Variants in PLSCR2 observed in about 807,000 individuals in gnomAD.
PLSCR2 encodes PL scramblase 2.
PLSCR2 carries 18 observed loss-of-function variants against 25.3 expected under a neutral mutation model. The ratio of observed to expected loss-of-function variants is 0.71; its 90% CI spans 0.49 to 1.06. The LOEUF (loss-of-function observed/expected upper bound fraction) is 1.06, where lower values mean the gene tolerates loss of function less well. Ranked by LOEUF, PLSCR2 falls within the 50% of genes least tolerant of loss-of-function variation. The pLI, the probability that PLSCR2 is intolerant of heterozygous loss-of-function variation, is 0.00. For synonymous variants in PLSCR2, 88 were observed against 87.3 expected (o/e 1.01, Z -0.04); for missense variants, 243 against 269.5 (o/e 0.90, Z 0.69).
At chr3:146,446,296 G>A (rs1490499716) in intron 6 of PLSCR2, among the ~76,000 whole-genome samples, 1 of 152,106 alleles carries the variant, frequency 6.6e-6, no homozygotes, top group Non-Finnish European at 1.5e-5. Context: ...TCCTTCTTGG[G>A]AAGGCTTTCC....
At position 146,400,506 on chromosome 3, in the gene PLSCR2, T is replaced by TG. The variant is rs370008502; in HGVS notation, c.101-4586dup. ...GAAGATCTAAATAGAAGGAGAAATATGCCATAGCCATTGAGCAGAAGATTC... is the reference window on the plus strand; with the variant it reads ...GAAGATCTAAATAGAAGGAGAAATATGGCCATAGCCATTGAGCAGAAGATTC... On this transcript the variant is annotated intron_variant and NMD_transcript_variant, in intron 2 of 3. Transcript: ENST00000463633. Among the ~76,000 whole-genome samples, 671 of 151,646 alleles carry TG rather than the reference T, an allele frequency of 4.4e-3. 2 individuals are homozygous for TG. The highest frequency in any genetic ancestry group is 0.015 in the African/African-American group (640 of 41,538).
At chr3:146,453,330 G>A (rs889574118) in intron 5 of PLSCR2, among the ~76,000 whole-genome samples, 3 of 152,010 alleles carry the variant, frequency 2.0e-5, no homozygotes, top group African/African-American at 7.2e-5. Flanking sequence ...AGAGAATCAG[G>A]AAATCAAGAT....
At chr3:146,422,131 T>TG (rs2039174263) in intron 2 of PLSCR2, among the ~76,000 whole-genome samples, 1 of 152,222 alleles carries the variant, frequency 6.6e-6, no homozygotes, top group South Asian at 2.1e-4. Flanking sequence ...CCATTCTGGC[T>TG]GGCACCTCCA....
At chr3:146,428,475 A>G (rs1223871106), downstream of PLSCR2, among the ~76,000 whole-genome samples, 1 of 152,216 alleles carries the variant, frequency 6.6e-6, no homozygotes, top group African/African-American at 2.4e-5. Context: ...CATTAATAGG[A>G]TATTTTCAGC....
chr3:146,394,591 C>A (rs1559965117), intron 3 of PLSCR2, among the ~76,000 whole-genome samples: 1 of 152,100 alleles, frequency 6.6e-6, no homozygotes, highest in Non-Finnish European at 1.5e-5. Flanking sequence ...TATCTATCAA[C>A]TGGTAATTAC....
At chr3:146,442,722 C>T (rs553770000) in intron 6 of PLSCR2, among the ~76,000 whole-genome samples, 42 of 152,004 alleles carry the variant, frequency 2.8e-4, no homozygotes, top group African/African-American at 9.6e-4. Flanking sequence ...GGACAGTACC[C>T]TTAAATAATG....
chr3:146,404,821 A>AAAAGGG lies in PLSCR2; in HGVS notation c.101-8901_101-8900insCCCTTT, dbSNP rs71158238. 8.8e-5 allele frequency among the ~76,000 whole-genome samples: 11 copies of AAAAGGG among 124,746 alleles called. 1 individual carries two copies. The highest frequency in any genetic ancestry group is 3.0e-4 in the South Asian group (1 of 3,320). 81.8% of individuals were successfully genotyped at this position (124,746 alleles called of 152,430 possible). A position where few individuals can be genotyped will look rare whatever the true frequency, so the allele number is the denominator to read the frequency against. On this transcript the variant is annotated intron_variant and NMD_transcript_variant, in intron 2 of 3. Transcript: ENST00000463633. ...AGGAAGAAATAGGCAAAAAAAAAAA[A>AAAAGGG]GGGGGGGGGTGGTGGTTAACTGGTC...
intron 2 of PLSCR2, among the ~76,000 whole-genome samples, chr3:146,413,197 G>A (rs1035386588): frequency 6.6e-6 from 1 of 152,068 alleles, no homozygotes; most frequent in Non-Finnish European, 1.5e-5. Context: ...TGGGATGGGA[G>A]GGGAAGCCTC....
chr3:146,413,145 T>A (rs190540659), intron 2 of PLSCR2, among the ~76,000 whole-genome samples: 23 of 152,250 alleles, frequency 1.5e-4, no homozygotes, highest in African/African-American at 5.3e-4. Context: ...GTTGTTTGGA[T>A]CCATCTTCCA....
At chr3:146,461,264 T>C (rs2041555182), upstream of PLSCR2, among the ~76,000 whole-genome samples, 1 of 152,158 alleles carries the variant, frequency 6.6e-6, no homozygotes, top group African/African-American at 2.4e-5. Flanking sequence ...AGGCAATACA[T>C]TTAAGTGGAA....
intron 5 of PLSCR2, among the ~76,000 whole-genome samples, chr3:146,453,200 G>T (rs2041001954): frequency 6.6e-6 from 1 of 152,014 alleles, no homozygotes; most frequent in South Asian, 2.1e-4. Flanking sequence ...GGAAGATGTG[G>T]GGACACTGTC....
rs116129358 is a variant in PLSCR2, at chr3:146,442,753, A to G, written c.646-932T>C. 3.2e-3 allele frequency among the ~76,000 whole-genome samples: 484 copies of G among 152,130 alleles called. 4 individuals carry two copies. The highest frequency in any genetic ancestry group is 0.011 in the African/African-American group (466 of 41,546). On this transcript the variant is annotated intron_variant, in intron 6 of 6. Coordinates refer to ENST00000610787, the Ensembl canonical transcript of PLSCR2. ...TAATGGTGTTTTGAAGACCAAATAT[A>G]TATACAGAAGAATGGATTTTGACCC... is the stretch of plus-strand genomic sequence containing the variant.
chr3:146,449,414 T>A (rs370208240), intron 5 of PLSCR2, 47 bp from the exon 6 acceptor site: 36 of 1,352,910 alleles, frequency 2.7e-5, no homozygotes, highest in Admixed American at 2.2e-4. Flanking sequence ...AGAAAACTTA[T>A]AGCAAAATTA....
At chr3:146,406,377 C>A (rs1559971845) in intron 2 of PLSCR2, among the ~76,000 whole-genome samples, 1 of 152,130 alleles carries the variant, frequency 6.6e-6, no homozygotes, top group Admixed American at 6.5e-5. Flanking sequence ...AAGGTCGATA[C>A]TTCCTGCTCC....
In PLSCR2 at chr3:146,490,198, T is replaced by C. The variant is rs190414950; in HGVS notation, c.-293+5697A>G. Among the ~76,000 whole-genome samples, 6 of 152,208 alleles carry C rather than the reference T, an allele frequency of 3.9e-5. No homozygotes were observed. In the East Asian group the frequency reaches 1.2e-3, roughly 29 times the overall value. ...ACATGTATAGGATACCTATTATAGA[T>C]GTTTGTATTCAAAAGGGGGAAAAAA... On this transcript the variant is annotated intron_variant, in intron 1 of 8. Coordinates refer to the PLSCR2 transcript ENST00000336685.
rs373963297 is a variant in PLSCR2 at position 146,466,068 on chromosome 3, G to A, written c.-292-5784C>T. 5.6e-4 allele frequency among the ~76,000 whole-genome samples: 86 copies of A among 152,302 alleles called. 1 individual carries two copies. The South Asian group carries it at 0.016, about 28-fold the overall frequency. On this transcript the variant is annotated intron_variant, in intron 1 of 8. Transcript: ENST00000336685. ...TATTAATGCAAAGCACCTTGTAACC[G>A]GGAGTTTTACTATAAAAATCCACTT...
chr3:146,495,775 G>T, intron 1 of PLSCR2: 2 of 683,798 alleles, frequency 2.9e-6, no homozygotes, highest in Admixed American at 2.7e-5. Context: ...ATGAGTTTAA[G>T]GTCCCCATTA....
intron 1 of PLSCR2, among the ~76,000 whole-genome samples, chr3:146,492,246 T>G (rs766412739): frequency 1.3e-5 from 2 of 152,118 alleles, no homozygotes; most frequent in Non-Finnish European, 2.9e-5. Flanking sequence ...GCAACAATAC[T>G]CTGCAGAAAA....
At chr3:146,393,900 C>G (rs1301697087) in intron 3 of PLSCR2, among the ~76,000 whole-genome samples, 1 of 150,842 alleles carries the variant, frequency 6.6e-6, no homozygotes, top group Non-Finnish European at 1.5e-5. Flanking sequence ...TGTTCTGTCT[C>G]TTATATCTAG....
Sources: gnomAD v4.1 joint callset for allele counts (sites outside exome capture counted in the v4.1 genomes callset) on GRCh38, gnomAD v4.1.1 for gene constraint, MANE v1.5 for transcripts, NCBI Gene and HGNC (gene_info 2026-07-23, HGNC 2026-07-21) for gene names.